Variants in C8B observed in about 807,000 individuals in gnomAD.
The protein encoded by C8B is complement component C8 beta chain.
In C8B, 67 loss-of-function variants were observed where a neutral mutation model predicts 64.6. The observed-to-expected ratio is 1.04, with a 90% CI of 0.85 to 1.27. The LOEUF (loss-of-function observed/expected upper bound fraction) is 1.27. Ranked by LOEUF, C8B falls within the 50% of genes most tolerant of loss-of-function variation. The pLI, the probability that C8B is intolerant of heterozygous loss-of-function variation, is 0.00. For synonymous variants in C8B, 284 were observed against 257.7 expected, an observed-to-expected ratio of 1.10 and a Z score of -0.98; for missense variants, 790 against 725.2, an observed-to-expected ratio of 1.09 and a Z score of -1.03.
intron 8 of C8B, 38 bp from the exon 9 acceptor site, chr1:56,941,050 T>C (rs1422445112): frequency 1.9e-6 from 3 of 1,611,000 alleles, no homozygotes; most frequent in Non-Finnish European, 2.5e-6. Context: ...ACAGAAGATA[T>C]CCCTTTGCCC....
chr1:56,945,945 C>A lies in C8B; in HGVS notation c.981G>T (p.Glu327Asp). Residue 327 changes from glutamate (E) to aspartate (D), a missense_variant, in exon 7 of 12, where the codon GAG becomes GAT. Physicochemically the swap from Glu to Asp is conservative, Grantham distance 45 (BLOSUM62 2). Transcript: ENST00000371237. ...GATCTCTGTATTCCCCGTAGCTGTA[C>A]TCCAGGGGCAGCCGCTTAACTCTCT... ...FLQRVKRLPL[E>D]YSYGEYRDLF... 3 of 1,614,170 alleles carry A rather than the reference C, an allele frequency of 1.9e-6. No homozygotes were observed. The highest frequency in any genetic ancestry group is 2.5e-6 in the Non-Finnish European group (3 of 1,180,016).
At chr1:56,933,618 G>A in intron 9 of C8B, 130 bp from the exon 10 acceptor site, 1 of 773,810 alleles carries the variant, frequency 1.3e-6, no homozygotes, top group Non-Finnish European at 2.2e-6. Context: ...GAAACTAGAT[G>A]GATCTCCCAT....
At chr1:56,942,794 G>A (rs1195950656) in intron 8 of C8B, among the ~76,000 whole-genome samples, 1 of 152,028 alleles carries the variant, frequency 6.6e-6, no homozygotes, top group Non-Finnish European at 1.5e-5. Context: ...TCTCTGCCAG[G>A]CATGGTGGTT....
At chr1:56,951,584 C>T (rs1426202286) in intron 5 of C8B, among the ~76,000 whole-genome samples, 1 of 152,184 alleles carries the variant, frequency 6.6e-6, no homozygotes, top group Non-Finnish European at 1.5e-5. Flanking sequence ...GCAATAACAA[C>T]AGCAAAAAGA....
At position 56,954,801 on chromosome 1, in the gene C8B, A is replaced by G. The variant is rs767375928; in HGVS notation, c.418T>C (p.Cys140Arg). The change falls in exon 4 of 12, where the codon TGC (cysteine) becomes CGC (arginine). Residue 140 changes from cysteine to arginine, a missense_variant. Transcript: ENST00000371237. ...TCTCCACAGTCATTGTCCCCATTGC[A>G]AAGAAGTCTGCGGTTTACACACCTT... ...TGRCVNRRLL[C>R]NGDNDCGDQS... The G allele has an allele frequency of 5.6e-6, 9 of 1,614,040 alleles. No homozygotes were observed. In the Admixed American group the frequency reaches 1.0e-4, roughly 18 times the overall value.
Position 56,949,624 on chromosome 1 carries a change from T to A in C8B, c.795A>T (p.Glu265Asp), listed in dbSNP as rs1373375405. 2 of 1,614,074 alleles carry A rather than the reference T, an allele frequency of 1.2e-6. No individual in the cohort carries two copies. Among genetic ancestry groups the A allele is most frequent in the Non-Finnish European group, 8.5e-7 (1 of 1,179,984 alleles). The change falls in exon 6 of 12, where the codon GAA becomes GAT. Residue 265 changes from glutamate to aspartate, a missense_variant. Transcript: ENST00000371237. ...SFGFKIPGIF[E>D]LGISSQSDRG... The stretch of plus-strand genomic sequence containing the variant: ...GATCACTTTGACTACTGATGCCAAG[T>A]TCAAATATTCCAGGTATTTTAAAAC...
chr1:56,956,240 T>A (rs1009617431), intron 3 of C8B, among the ~76,000 whole-genome samples: 1 of 152,224 alleles, frequency 6.6e-6, no homozygotes, highest in African/African-American at 2.4e-5. Context: ...CCCAGACCTC[T>A]GAGAGAGCTA....
At chr1:56,953,171 A>C (rs1422874892) in intron 4 of C8B, among the ~76,000 whole-genome samples, 2 of 152,120 alleles carry the variant, frequency 1.3e-5, no homozygotes, top group African/African-American at 4.8e-5. Context: ...CTGCCTCCTA[A>C]GGCAAGCTTC....
At chr1:56,956,721 A>G (rs1156469987) in intron 3 of C8B, 48 bp downstream of exon 3, 1 of 1,607,072 alleles carries the variant, frequency 6.2e-7, no homozygotes, top group South Asian at 1.1e-5. Flanking sequence ...ATCAAGAACC[A>G]TTACCTCATT....
intron 3 of C8B, among the ~76,000 whole-genome samples, chr1:56,955,312 A>T (rs1006744061): frequency 6.6e-6 from 1 of 152,254 alleles, no homozygotes; most frequent in Non-Finnish European, 1.5e-5. Flanking sequence ...GGCCAAGTGC[A>T]CATTAACTAG....
intron 1 of C8B, among the ~76,000 whole-genome samples, chr1:56,960,859 T>C (rs565862067): frequency 2.6e-3 from 392 of 151,922 alleles, no homozygotes; most frequent in Non-Finnish European, 4.8e-3. Flanking sequence ...GAGTTTCGGG[T>C]GGGGCATGCT....
intron 3 of C8B, 32 bp from the exon 4 acceptor site, chr1:56,954,859 A>T (rs112498155): frequency 6.2e-7 from 1 of 1,614,068 alleles, no homozygotes; most frequent in African/African-American, 1.3e-5. Context: ...ACCCACAGCC[A>T]CATGGTTGGC....
At chr1:56,934,699 C>T (rs972529262) in intron 9 of C8B, among the ~76,000 whole-genome samples, 3 of 152,082 alleles carry the variant, frequency 2.0e-5, no homozygotes, top group African/African-American at 7.2e-5. Context: ...AGCAAGGCCC[C>T]TTGGTGGTCC....
At chr1:56,959,421 G>T in intron 2 of C8B, 1 of 701,346 alleles carries the variant, frequency 1.4e-6, no homozygotes, top group Non-Finnish European at 2.6e-6. Context: ...CTGGAGGTAG[G>T]GCTGAGGAGG....
rs780667562 is a variant in C8B at position 56,965,874 on chromosome 1, GAGAC to G, written c.71_74del (p.Cys24SerfsTer36). On this transcript the variant is annotated frameshift_variant, in exon 1 of 12. Transcript: ENST00000371237. LOFTEE classifies it high-confidence loss of function. ...TCACTTACCTGGAGCCAGGCAAACT[GAGAC>G]AGCCCAGGGCAGCACAGAGAAGAAA... The G allele has an allele frequency of 6.2e-6, 10 of 1,614,010 alleles. No individual in the cohort carries two copies. Among genetic ancestry groups the G allele is most frequent in the Non-Finnish European group, 5.9e-6 (7 of 1,180,038 alleles).
chr1:56,957,248 G>T (rs1251662892), intron 2 of C8B, among the ~76,000 whole-genome samples: 1 of 152,118 alleles, frequency 6.6e-6, no homozygotes, highest in Non-Finnish European at 1.5e-5. Context: ...TGGAGTCAAA[G>T]GTTAGTAGAT....
chr1:56,965,305 C>T (rs922754776), intron 1 of C8B, among the ~76,000 whole-genome samples: 2 of 151,938 alleles, frequency 1.3e-5, no homozygotes, highest in African/African-American at 4.8e-5. Context: ...GCTTGTTTTG[C>T]ACCTTGTTAA....
chr1:56,942,121 T>C (rs1644872213), intron 8 of C8B, among the ~76,000 whole-genome samples: 1 of 152,242 alleles, frequency 6.6e-6, no homozygotes, highest in African/African-American at 2.4e-5. Flanking sequence ...CACTACAAAA[T>C]AGTAGCTATA....
At chr1:56,947,356 C>T (rs180861173) in intron 6 of C8B, among the ~76,000 whole-genome samples, 5 of 152,324 alleles carry the variant, frequency 3.3e-5, no homozygotes, top group Non-Finnish European at 2.9e-5. Context: ...CTACCAACCA[C>T]GTACGTCAGC....
Sources: allele counts gnomAD v4.1 joint callset (sites outside exome capture counted in the v4.1 genomes callset), GRCh38; gene constraint gnomAD v4.1.1; transcripts MANE v1.5; gene names NCBI Gene and HGNC (gene_info 2026-07-23, HGNC 2026-07-21).